Variants in PLCXD3 observed in about 807,000 individuals in gnomAD.
PLCXD3 encodes phosphatidylinositol specific phospholipase C X domain containing 3, also known as PI-PLC X domain-containing protein 3.
A neutral mutation model predicts 25.5 loss-of-function variants in PLCXD3; 19 were observed. The ratio of observed to expected loss-of-function variants is 0.75; its 90% CI spans 0.52 to 1.09. PLCXD3 has a LOEUF of 1.09. Among genes scored for constraint, PLCXD3 ranks in the 50% least tolerant of loss-of-function variants. The pLI is 0.00. For synonymous variants in PLCXD3, 174 were observed against 137.6 expected (o/e 1.26, Z -1.85); for missense variants, 411 against 388.1 (o/e 1.06, Z -0.50).
intron 1 of PLCXD3, among the ~76,000 whole-genome samples, chr5:41,440,357 C>A (rs765986575): frequency 6.7e-6 from 1 of 150,194 alleles, no homozygotes; most frequent in African/African-American, 2.4e-5. Context: ...CTCAGCCTCC[C>A]GAGTAGTTGG....
chr5:41,431,500 C>A (rs1328226022), intron 1 of PLCXD3, among the ~76,000 whole-genome samples: 1 of 152,032 alleles, frequency 6.6e-6, no homozygotes, highest in African/African-American at 2.4e-5. Context: ...ATTTTCATGC[C>A]AAAGTGGATC....
At chr5:41,372,292 TCTCTCTCACACACACACACA>T (rs1428207486) in intron 2 of PLCXD3, among the ~76,000 whole-genome samples, 2 of 134,548 alleles carry the variant, frequency 1.5e-5, no homozygotes, top group African/African-American at 6.1e-5. Flanking sequence ...TCTCTCTCTC[TCTCTCTCACACACACACACA>T]CACACACACA....
Position 41,432,342 on chromosome 5 carries a change from G to A in PLCXD3, c.104-49808C>T, listed in dbSNP as rs538673359. Among the ~76,000 whole-genome samples the A allele has an allele frequency of 5.3e-5, 8 of 152,182 alleles. No homozygotes were observed. In the South Asian group the frequency reaches 6.2e-4, roughly 12 times the overall value. ...TTTGTGAAATTCAGGTAAGTTTATC[G>A]AAGCTTTAAAAACCCTGTATTTCTT... On this transcript the variant is annotated intron_variant, in intron 1 of 2. Transcript: ENST00000377801.
At chr5:41,325,916 T>G (rs1194424913) in intron 2 of PLCXD3, among the ~76,000 whole-genome samples, 1 of 152,178 alleles carries the variant, frequency 6.6e-6, no homozygotes, top group Non-Finnish European at 1.5e-5. Context: ...GATTCATAAA[T>G]GGAGTTTTCT....
intron 1 of PLCXD3, among the ~76,000 whole-genome samples, chr5:41,467,810 A>G (rs556407685): frequency 6.6e-6 from 1 of 152,250 alleles, no homozygotes; most frequent in South Asian, 2.1e-4. Flanking sequence ...TTAATTGAAG[A>G]AATAGTCCTG....
At chr5:41,370,154 G>A (rs1193823150) in intron 2 of PLCXD3, among the ~76,000 whole-genome samples, 1 of 152,128 alleles carries the variant, frequency 6.6e-6, no homozygotes, top group East Asian at 1.9e-4. Context: ...ATACAATTGT[G>A]ATTTCTGCAA....
chr5:41,332,068 G>A (rs1743831041), intron 2 of PLCXD3, among the ~76,000 whole-genome samples: 1 of 152,122 alleles, frequency 6.6e-6, no homozygotes, highest in African/African-American at 2.4e-5. Flanking sequence ...AAAAGCAATG[G>A]CAACAAAAGC....
intron 2 of PLCXD3, among the ~76,000 whole-genome samples, chr5:41,372,743 C>T (rs1412981806): frequency 6.6e-6 from 1 of 151,882 alleles, no homozygotes; most frequent in African/African-American, 2.4e-5. Flanking sequence ...CCCAGAGAAA[C>T]CTTAAAAACT....
chr5:41,484,778 T>C (rs1178825497), intron 1 of PLCXD3, among the ~76,000 whole-genome samples: 1 of 152,204 alleles, frequency 6.6e-6, no homozygotes, highest in Non-Finnish European at 1.5e-5. Context: ...AAATTCCATC[T>C]ACTGTCATGT....
intron 1 of PLCXD3, among the ~76,000 whole-genome samples, chr5:41,405,859 G>A (rs1052820003): frequency 1.1e-4 from 16 of 151,676 alleles, no homozygotes; most frequent in African/African-American, 3.6e-4. Context: ...CCCAACTTTG[G>A]TTCCATCTTT....
At chr5:41,475,732 A>G (rs776367948) in intron 1 of PLCXD3, 1 of 534,700 alleles carries the variant, frequency 1.9e-6, no homozygotes, top group Non-Finnish European at 3.8e-6. Context: ...GACTGTCATT[A>G]CAAGAGTTAC....
rs185603158 is a variant in PLCXD3 at position 41,313,648 on chromosome 5, T to C, written c.935A>G (p.Tyr312Cys). Residue 312 changes from tyrosine to cysteine, a missense_variant, in exon 3 of 3, where the codon TAT becomes TGT. Coordinates refer to ENST00000377801, the MANE Select transcript of PLCXD3 (RefSeq NM_001005473.3). Reference sequence around the variant, plus strand: ...GTTGGCTTCTCCTTCATCAAAGACATAGTTGAGCTTTATGACAGTGCTGAT... The same window carrying C: ...GTTGGCTTCTCCTTCATCAAAGACACAGTTGAGCTTTATGACAGTGCTGAT... ...DFISTVIKLN[Y>C]VFDEGEANT The C allele has an allele frequency of 2.5e-6, 4 of 1,613,854 alleles. No individual in the cohort carries two copies. The Admixed American group carries it at 6.7e-5, about 27-fold the overall frequency.
intron 2 of PLCXD3, among the ~76,000 whole-genome samples, chr5:41,338,354 T>C (rs1744041868): frequency 6.6e-6 from 1 of 152,140 alleles, no homozygotes; most frequent in Admixed American, 6.6e-5. Context: ...TGAAATGTCC[T>C]GAAGTTAAGG....
chr5:41,331,185 A>G (rs986841632), intron 2 of PLCXD3, among the ~76,000 whole-genome samples: 3 of 152,182 alleles, frequency 2.0e-5, no homozygotes, highest in African/African-American at 4.8e-5. Flanking sequence ...ATGATTGTAT[A>G]TCTAGAAAAC....
intron 1 of PLCXD3, among the ~76,000 whole-genome samples, chr5:41,401,121 C>T (rs535245936): frequency 6.6e-6 from 1 of 152,112 alleles, no homozygotes; most frequent in East Asian, 1.9e-4. Flanking sequence ...GTTCTGAGAG[C>T]TCTTCTGGAA....
chr5:41,365,209 C>T (rs1200647259), intron 2 of PLCXD3, among the ~76,000 whole-genome samples: 9 of 151,976 alleles, frequency 5.9e-5, no homozygotes, highest in East Asian at 1.9e-4. Flanking sequence ...TCTTTTTTAC[C>T]GTTTTTTGGT....
At chr5:41,491,270 A>C (rs1053309970) in intron 1 of PLCXD3, among the ~76,000 whole-genome samples, 24 of 152,128 alleles carry the variant, frequency 1.6e-4, no homozygotes, top group African/African-American at 4.1e-4. Context: ...ATCCTGAGTT[A>C]TAGTTTGATT....
intron 2 of PLCXD3, among the ~76,000 whole-genome samples, chr5:41,330,848 A>G (rs1181485523): frequency 2.6e-5 from 4 of 152,214 alleles, no homozygotes; most frequent in African/African-American, 9.6e-5. Flanking sequence ...CAAAAACCAC[A>G]TGATTATCTC....
Position 41,449,430 on chromosome 5 carries a change from C to T in PLCXD3, c.103+60994G>A, listed in dbSNP as rs181590039. Among the ~76,000 whole-genome samples, 196 of 152,226 alleles carry T rather than the reference C, an allele frequency of 1.3e-3. 1 individual carries two copies. Among genetic ancestry groups the T allele is most frequent in the African/African-American group, 4.1e-3 (170 of 41,546 alleles). The stretch of plus-strand genomic sequence containing the variant: ...ACTATACAGACTTTTCTACCATTTT[C>T]GGTGACACCATAGATTTTCACATTC... On this transcript the variant is annotated intron_variant, in intron 1 of 2. Transcript: ENST00000377801.
Sources: allele counts gnomAD v4.1 joint callset (sites outside exome capture counted in the v4.1 genomes callset), GRCh38; gene constraint gnomAD v4.1.1; transcripts MANE v1.5; gene names NCBI Gene and HGNC (gene_info 2026-07-23, HGNC 2026-07-21).